The following TMEM132C variants were observed in gnomAD, a reference collection of about 807,000 sequenced individuals.
The protein encoded by TMEM132C is protein phosphatase 1, regulatory subunit 152.
In TMEM132C, 29 loss-of-function variants were observed where a neutral mutation model predicts 61.4. The observed-to-expected ratio is 0.47, with a 90% CI of 0.35 to 0.64. TMEM132C has a LOEUF of 0.64. Among genes scored for constraint, TMEM132C ranks in the 30% least tolerant of loss-of-function variants. The pLI, the probability that TMEM132C is intolerant of heterozygous loss-of-function variation, is 0.00. For synonymous variants in TMEM132C, 656 were observed against 633.1 expected, an observed-to-expected ratio of 1.04 and a Z score of -0.54; for missense variants, 1,408 against 1,476.9, an observed-to-expected ratio of 0.95 and a Z score of 0.76.
intron 2 of TMEM132C, among the ~76,000 whole-genome samples, chr12:128,514,926 G>A (rs938406535): frequency 5.9e-5 from 9 of 152,216 alleles, no homozygotes; most frequent in African/African-American, 1.2e-4. Context: ...ACTATTGGCT[G>A]TTGATCCTGA....
chr12:128,468,114 C>T (rs1055011182), intron 2 of TMEM132C, among the ~76,000 whole-genome samples: 2 of 152,016 alleles, frequency 1.3e-5, no homozygotes, highest in Non-Finnish European at 2.9e-5. Flanking sequence ...CAGGTGTTGG[C>T]CTCAGTGAAT....
chr12:128,390,612 A>G (rs900005276), intron 1 of TMEM132C, among the ~76,000 whole-genome samples: 37 of 152,110 alleles, frequency 2.4e-4, no homozygotes, highest in African/African-American at 8.9e-4. Context: ...CTCCCTGCAA[A>G]CTTACGTATG....
intron 1 of TMEM132C, among the ~76,000 whole-genome samples, chr12:128,412,508 G>A (rs993389511): frequency 6.6e-6 from 1 of 152,054 alleles, no homozygotes; most frequent in African/African-American, 2.4e-5. Flanking sequence ...AGGACCAGGT[G>A]GAGATAATTG....
chr12:128,301,682 T>A (rs1363281509), intron 1 of TMEM132C, among the ~76,000 whole-genome samples: 1 of 152,162 alleles, frequency 6.6e-6, no homozygotes, highest in Non-Finnish European at 1.5e-5. Flanking sequence ...TTCATTTGCA[T>A]TGGGACTTGG....
chr12:128,428,429 C>G (rs982617693), intron 2 of TMEM132C, among the ~76,000 whole-genome samples: 1 of 152,108 alleles, frequency 6.6e-6, no homozygotes, highest in East Asian at 1.9e-4. Context: ...TTAAAGTAGG[C>G]CTCTTTTTTA....
intron 1 of TMEM132C, among the ~76,000 whole-genome samples, chr12:128,308,822 C>T (rs1871873645): frequency 6.6e-6 from 1 of 152,204 alleles, no homozygotes; most frequent in South Asian, 2.1e-4. Flanking sequence ...CTTCTGGTCC[C>T]ATCACCTGGT....
intron 3 of TMEM132C, 29 bp downstream of exon 3, chr12:128,544,132 G>T: frequency 6.8e-7 from 1 of 1,480,160 alleles, no homozygotes; most frequent in South Asian, 1.4e-5. Flanking sequence ...GCAAGCGTGT[G>T]TGGTTCCTGG....
At chr12:128,634,907 C>T (rs1212066995) in intron 4 of TMEM132C, among the ~76,000 whole-genome samples, 3 of 152,138 alleles carry the variant, frequency 2.0e-5, no homozygotes, top group African/African-American at 7.2e-5. Flanking sequence ...CTGAAGGGGC[C>T]TGGAAAAGGC....
chr12:128,662,026 C>T (rs1175096356), intron 4 of TMEM132C, among the ~76,000 whole-genome samples: 2 of 151,976 alleles, frequency 1.3e-5, no homozygotes, highest in Non-Finnish European at 2.9e-5. Context: ...AATTGAGGAT[C>T]AGGACTGGAA....
intron 5 of TMEM132C, among the ~76,000 whole-genome samples, chr12:128,681,963 C>A (rs2135641523): frequency 6.6e-6 from 1 of 152,096 alleles, no homozygotes; most frequent in East Asian, 1.9e-4. Flanking sequence ...AGCCACCGTG[C>A]CCGGCCCAGA....
At chr12:128,606,365 G>A (rs1013693554) in intron 3 of TMEM132C, among the ~76,000 whole-genome samples, 2 of 152,188 alleles carry the variant, frequency 1.3e-5, no homozygotes, top group Non-Finnish European at 2.9e-5. Flanking sequence ...ACATAGGAGG[G>A]GCCGGGAAGA....
At chr12:128,311,151 G>A (rs899045003) in intron 1 of TMEM132C, among the ~76,000 whole-genome samples, 1 of 152,194 alleles carries the variant, frequency 6.6e-6, no homozygotes, top group Non-Finnish European at 1.5e-5. Flanking sequence ...TAATTAGTCA[G>A]ACCTAGACCG....
chr12:128,477,780 C>T (rs564906462), intron 2 of TMEM132C, among the ~76,000 whole-genome samples: 1 of 152,290 alleles, frequency 6.6e-6, no homozygotes, highest in Non-Finnish European at 1.5e-5. Flanking sequence ...CAGGGTTTCA[C>T]CATATTGGCC....
chr12:128,358,481 C>T (rs1873588396), intron 1 of TMEM132C, among the ~76,000 whole-genome samples: 1 of 112,480 alleles, frequency 8.9e-6, no homozygotes, highest in African/African-American at 3.3e-5. Flanking sequence ...GATGCCATGA[C>T]CACTTTTAAA....
intron 4 of TMEM132C, among the ~76,000 whole-genome samples, chr12:128,650,380 G>T (rs908195220): frequency 1.3e-5 from 2 of 151,982 alleles, no homozygotes; most frequent in South Asian, 2.1e-4. Flanking sequence ...TTAAAAGGAG[G>T]CCATTGCTAT....
At chr12:128,404,129 T>G (rs1875258650) in intron 1 of TMEM132C, among the ~76,000 whole-genome samples, 1 of 152,230 alleles carries the variant, frequency 6.6e-6, no homozygotes, top group Non-Finnish European at 1.5e-5. Context: ...TAACCCTGAC[T>G]TAGATGCTGT....
chr12:128,616,376 C>A (rs1876802043), intron 4 of TMEM132C, 41 bp downstream of exon 4: 2 of 1,503,334 alleles, frequency 1.3e-6, no homozygotes, highest in Non-Finnish European at 1.8e-6. Flanking sequence ...CATTCAGCCA[C>A]CTGACTGCAT....
rs762893953 is a variant in TMEM132C at position 128,553,045 on chromosome 12, G to A, written c.1121+8942G>A. On this transcript the variant is annotated intron_variant, in intron 3 of 8. Coordinates refer to ENST00000435159, the MANE Select transcript of TMEM132C (RefSeq NM_001136103.3). The stretch of plus-strand genomic sequence containing the variant: ...GTGCAGGGAAGTGCTGTGGACACAC[G>A]AGAGTGCAAGGGTGTCCAGTCTTTT... Among the ~76,000 whole-genome samples, 7 of 152,352 alleles carry A rather than the reference G, an allele frequency of 4.6e-5. No homozygotes were observed. The South Asian group carries it at 1.2e-3, about 27-fold the overall frequency.
intron 3 of TMEM132C, among the ~76,000 whole-genome samples, chr12:128,556,141 G>T (rs935467372): frequency 6.6e-6 from 1 of 152,216 alleles, no homozygotes; most frequent in Non-Finnish European, 1.5e-5. Flanking sequence ...CCTGAAGGAA[G>T]ATTTTACTGG....
Sources: allele counts gnomAD v4.1 joint callset (sites outside exome capture counted in the v4.1 genomes callset), GRCh38; gene constraint gnomAD v4.1.1; transcripts MANE v1.5; gene names NCBI Gene and HGNC (gene_info 2026-07-23, HGNC 2026-07-21).